Variants in CALML6 observed in about 807,000 individuals in gnomAD.
CALML6 encodes calmodulin like 6, also known as calmodulin-like protein 6.
CALML6 carries 27 observed loss-of-function variants against 25.0 expected under a neutral mutation model. The observed-to-expected ratio is 1.08, with a 90% CI of 0.80 to 1.49. The LOEUF (loss-of-function observed/expected upper bound fraction) is 1.49. Among genes scored for constraint, CALML6 ranks in the 40% most tolerant of loss-of-function variants. CALML6 has a pLI of 0.00. For synonymous variants in CALML6, 97 were observed against 87.2 expected, an observed-to-expected ratio of 1.11 and a Z score of -0.63; for missense variants, 239 against 232.7, an observed-to-expected ratio of 1.03 and a Z score of -0.18.
chr1:1,915,422 C>T (rs750937901), intron 1 of CALML6, 115 bp downstream of exon 1: 49 of 1,504,506 alleles, frequency 3.3e-5, no homozygotes, highest in Admixed American at 6.0e-5. Flanking sequence ...CGGGGAACAG[C>T]GTGTGTGAGG....
At chr1:1,915,413 G>A (rs181335070) in intron 1 of CALML6, 106 bp downstream of exon 1, 39 of 1,521,176 alleles carry the variant, frequency 2.6e-5, no homozygotes, top group African/African-American at 9.6e-5. Context: ...GGAACAGCAC[G>A]GGGAACAGCG....
In CALML6 at chr1:1,916,827, G is replaced by A; in HGVS notation, c.329G>A (p.Ser110Asn). Residue 110 changes from serine (S) to asparagine (N), a missense_variant, in exon 4 of 6, where the codon AGC (serine) becomes AAC (asparagine). This residue lies in a region of CALML6 where 231 missense variants were observed against 210.9 expected (regional missense o/e 1.10). Coordinates refer to ENST00000307786, the MANE Select transcript of CALML6 (RefSeq NM_138705.4). ...CATGAGAAGGCCCAGAACCAGGAGA[G>A]CGAGCTGAGGGCGGCATTCCGTGTC... ...VYHEKAQNQESELRAAFRVFD... is the reference protein window; with the variant it reads ...VYHEKAQNQENELRAAFRVFD... The A allele has an allele frequency of 6.2e-6, 10 of 1,613,432 alleles. No individual in the cohort carries two copies. Among genetic ancestry groups the A allele is most frequent in the Non-Finnish European group, 8.5e-6 (10 of 1,179,976 alleles).
Position 1,916,961 on chromosome 1 carries a change from C to G in CALML6, c.399-13C>G, listed in dbSNP as rs372098198. The G allele has an allele frequency of 2.6e-5, 42 of 1,611,162 alleles. No individual in the cohort carries two copies. In the African/African-American group the frequency reaches 5.3e-4, roughly 20 times the overall value. On this transcript the variant is annotated splice_polypyrimidine_tract_variant and intron_variant, in intron 4 of 5. Transcript: ENST00000307786. ...GCAGGGCCGATGGAGTGGCTCAGCGCCAGGCCCCGTAGGTACGTGCTAATG... is the reference window on the plus strand; with the variant it reads ...GCAGGGCCGATGGAGTGGCTCAGCGGCAGGCCCCGTAGGTACGTGCTAATG...
Position 1,917,134 on chromosome 1 carries a change from C to T in CALML6, c.500-13C>T, listed in dbSNP as rs1391635341. The T allele has an allele frequency of 6.2e-7, 1 of 1,608,760 alleles. No individual in the cohort carries two copies. The highest frequency in any genetic ancestry group is 8.5e-7 in the Non-Finnish European group (1 of 1,178,492). On this transcript the variant is annotated splice_polypyrimidine_tract_variant and intron_variant, in intron 5 of 5. Coordinates refer to ENST00000307786, the MANE Select transcript of CALML6 (RefSeq NM_138705.4). ...GGCCGGGGCAAGCTGCTGACCTGCC[C>T]CTCTGTTCCCAGAGTTTGTGGCCAT...
In CALML6 at chr1:1,916,601, A is replaced by T; in HGVS notation, c.239A>T (p.Asp80Val). ...AGTGAGCTGGCCTCAATGGCCAAGG[A>T]TGTGGACAGAGACAGTGAGCTCATG... Reference protein sequence around the residue: ...TKSELASMAKDVDRDNKGFFN... With the variant: ...TKSELASMAKVVDRDNKGFFN... The change falls in exon 3 of 6, where the codon GAT (aspartate) becomes GTT (valine). Residue 80 changes from aspartate (D) to valine (V), a missense_variant. Around this residue, in one of 2 missense-constraint regions of CALML6, gnomAD observed 231 missense variants for 210.9 expected, o/e 1.10. Coordinates refer to ENST00000307786, the MANE Select transcript of CALML6 (RefSeq NM_138705.4). 2 of 1,606,586 alleles carry T rather than the reference A, an allele frequency of 1.2e-6. No individual in the cohort carries two copies. The highest frequency in any genetic ancestry group is 3.3e-4 in the Middle Eastern group (2 of 6,026).
In CALML6 at chr1:1,916,840, G is replaced by A. The variant is rs753671207; in HGVS notation, c.342G>A (p.Ala114=). The A allele has an allele frequency of 2.5e-5, 40 of 1,612,716 alleles. 2 individuals carry two copies. The highest frequency in any genetic ancestry group is 3.3e-4 in the Middle Eastern group (2 of 6,084). The change falls in exon 4 of 6, where the codon GCG becomes GCA. Residue 114 remains alanine (A), a synonymous_variant. Coordinates refer to ENST00000307786, the MANE Select transcript of CALML6 (RefSeq NM_138705.4). ...KAQNQESELR[A]AFRVFDKEGK... ...AGAACCAGGAGAGCGAGCTGAGGGC[G>A]GCATTCCGTGTCTTTGACAAAGAGG...
chr1:1,915,285 G>A lies in CALML6; in HGVS notation c.5G>A (p.Gly2Asp). The A allele has an allele frequency of 1.3e-6, 2 of 1,558,200 alleles. No individual in the cohort carries two copies. The highest frequency in any genetic ancestry group is 1.7e-6 in the Non-Finnish European group (2 of 1,150,968). The change falls in exon 1 of 6, where the codon GGT (glycine) becomes GAT (aspartate). Residue 2 changes from glycine (G) to aspartate (D), a missense_variant. This residue lies in a region of CALML6 where 8 missense variants were observed against 21.8 expected (regional missense o/e 0.37). Transcript: ENST00000307786. M[G>D]LQQEISLQPW... The stretch of plus-strand genomic sequence containing the variant: ...ACTGAGCACCAGCTGGCCAGGATGG[G>A]TCTTCAACAAGAAATCTCACTGGTA...
In CALML6 at chr1:1,915,298, A is replaced by G; in HGVS notation, c.18A>G (p.Glu6=). ...TGGCCAGGATGGGTCTTCAACAAGAAATCTCACTGGTAAGTGATGACAGCA... is the reference window on the plus strand; with the variant it reads ...TGGCCAGGATGGGTCTTCAACAAGAGATCTCACTGGTAAGTGATGACAGCA... MGLQQ[E]ISLQPWCHHP... Residue 6 remains glutamate, a synonymous_variant, in exon 1 of 6, where the codon GAA becomes GAG. Coordinates refer to ENST00000307786, the MANE Select transcript of CALML6 (RefSeq NM_138705.4). 6.4e-7 allele frequency: 1 copy of G among 1,556,940 alleles called. No individual in the cohort carries two copies.
chr1:1,915,773 G>A lies in CALML6; in HGVS notation c.78+38G>A, dbSNP rs747318167. On this transcript the variant is annotated intron_variant, in intron 2 of 5. Coordinates refer to ENST00000307786, the MANE Select transcript of CALML6 (RefSeq NM_138705.4). The stretch of plus-strand genomic sequence containing the variant: ...TCTGTGCCCGATGGAGTCTCTGGTG[G>A]GCTGGCTGGGTAGGTTGAGCTGGAA... 6.8e-6 allele frequency: 11 copies of A among 1,606,960 alleles called. No individual in the cohort carries two copies. In the East Asian group the frequency reaches 2.5e-4, roughly 36 times the overall value.
At chr1:1,916,101 C>T (rs1039909342) in intron 2 of CALML6, 4 of 420,566 alleles carry the variant, frequency 9.5e-6, no homozygotes, top group African/African-American at 4.0e-5. Flanking sequence ...ACCCTGCTCT[C>T]GGCTTCCTTC....
At chr1:1,915,656 C>T in intron 1 of CALML6, 29 bp from the exon 2 acceptor site, 1 of 1,611,880 alleles carries the variant, frequency 6.2e-7, no homozygotes, top group Non-Finnish European at 8.5e-7. Context: ...AACTCAGCTG[C>T]CACCACTGCC....
At chr1:1,915,787 G>T (rs1265992740) in intron 2 of CALML6, 52 bp downstream of exon 2, 2 of 1,586,624 alleles carry the variant, frequency 1.3e-6, no homozygotes, top group Admixed American at 3.4e-5. Flanking sequence ...GGCTGGGTAG[G>T]TTGAGCTGGA....
intron 2 of CALML6, 96 bp downstream of exon 2, chr1:1,915,831 G>A: frequency 8.2e-7 from 1 of 1,218,082 alleles, no homozygotes; most frequent in Non-Finnish European, 1.2e-6. Flanking sequence ...ACGGAGCCTG[G>A]GCAGGAAGGG....
chr1:1,916,579 G>A lies in CALML6; in HGVS notation c.217G>A (p.Glu73Lys), dbSNP rs755043614. ...GCTGGGTATCAACCCCACCAAGAGT[G>A]AGCTGGCCTCAATGGCCAAGGATGT... Reference protein sequence around the residue: ...SLLGINPTKSELASMAKDVDR... With the variant: ...SLLGINPTKSKLASMAKDVDR... Residue 73 changes from glutamate to lysine, a missense_variant, in exon 3 of 6, where the codon GAG becomes AAG. Glu to Lys is a moderately conservative substitution (Grantham distance 56). This residue lies in a region of CALML6 where 231 missense variants were observed against 210.9 expected (regional missense o/e 1.10). Transcript: ENST00000307786. The A allele has an allele frequency of 9.3e-6, 15 of 1,610,870 alleles. No homozygotes were observed. In the South Asian group the frequency reaches 9.9e-5, roughly 11 times the overall value.
chr1:1,916,916 C>CGGGGGGGGGGGGGGG lies in CALML6; in HGVS notation c.398+23_398+24insGGGGGGGGGGGGGGG. Reference sequence around the variant, plus strand: ...ACTCAAGTAGGGCCCGGGTTGGGGGCGGGTGGTGGGCGGGCACGGGCAGGG... The same window carrying CGGGGGGGGGGGGGGG: ...ACTCAAGTAGGGCCCGGGTTGGGGGCGGGGGGGGGGGGGGGGGGTGGTGGGCGGGCACGGGCAGGG... On this transcript the variant is annotated intron_variant, in intron 4 of 5. Coordinates refer to ENST00000307786, the MANE Select transcript of CALML6 (RefSeq NM_138705.4). 1 of 349,040 alleles carries CGGGGGGGGGGGGGGG rather than the reference C, an allele frequency of 2.9e-6. No homozygotes were observed. The allele number at this position is 349,040 out of a possible 1,614,324, so 21.6% of individuals were successfully genotyped here.
Position 1,916,907 on chromosome 1 carries a change from G to A in CALML6, c.398+11G>A. The A allele has an allele frequency of 6.2e-7, 1 of 1,610,162 alleles. No homozygotes were observed. The highest frequency in any genetic ancestry group is 8.5e-7 in the Non-Finnish European group (1 of 1,177,932). ...CTGGAACACACTCAAGTAGGGCCCG[G>A]GTTGGGGGCGGGTGGTGGGCGGGCA... On this transcript the variant is annotated intron_variant, in intron 4 of 5. Transcript: ENST00000307786.
In CALML6 at chr1:1,916,905, C is replaced by A; in HGVS notation, c.398+9C>A. 1.4e-5 allele frequency: 3 copies of A among 212,514 alleles called. No homozygotes were observed. The highest frequency in any genetic ancestry group is 2.6e-5 in the Non-Finnish European group (3 of 116,372). The allele number at this position is 212,514 out of a possible 1,614,324, so 13.2% of individuals were successfully genotyped here. A position where few individuals can be genotyped will look rare whatever the true frequency, so the allele number is the denominator to read the frequency against. On this transcript the variant is annotated intron_variant, in intron 4 of 5. Coordinates refer to ENST00000307786, the MANE Select transcript of CALML6 (RefSeq NM_138705.4). ...GACTGGAACACACTCAAGTAGGGCC[C>A]GGGTTGGGGGCGGGTGGTGGGCGGG... is the stretch of plus-strand genomic sequence containing the variant.
rs1651118038 is a variant in CALML6 at position 1,916,499 on chromosome 1, A to C, written c.137A>C (p.Asp46Ala). 4.4e-6 allele frequency: 7 copies of C among 1,592,044 alleles called. No homozygotes were observed. Among genetic ancestry groups the C allele is most frequent in the South Asian group, 1.1e-5 (1 of 88,720 alleles). ...KEYKGVFEMF[D>A]EEGNGEVKTG... ...TACAAGGGAGTCTTTGAGATGTTCG[A>C]CGAAGAGGGCAACGGGGAGGTGAAG... is the stretch of plus-strand genomic sequence containing the variant. Residue 46 changes from aspartate to alanine, a missense_variant, in exon 3 of 6, where the codon GAC (aspartate) becomes GCC (alanine). Physicochemically the swap from Asp to Ala is moderately radical, Grantham distance 126. Coordinates refer to ENST00000307786, the MANE Select transcript of CALML6 (RefSeq NM_138705.4).
At chr1:1,915,461 C>T (rs1481538672) in intron 1 of CALML6, 154 bp downstream of exon 1, 1 of 1,419,200 alleles carries the variant, frequency 7.0e-7, no homozygotes, top group East Asian at 2.5e-5. Context: ...CCTTTCCTGG[C>T]CCCCGCACTT....
Sources: gnomAD v4.1 joint callset for allele counts on GRCh38, gnomAD v4.1.1 for gene constraint, gnomAD v4.1.1 regional missense constraint, MANE v1.5 for transcripts, NCBI Gene and HGNC (gene_info 2026-07-23, HGNC 2026-07-21) for gene names.